ADAMTS13: variants seen among roughly 807,000 people sequenced by gnomAD.
The protein encoded by ADAMTS13 is ADAM metallopeptidase with thrombospondin type 1 motif 13.
Under a neutral mutation model 155.1 loss-of-function variants are expected in ADAMTS13, and 110 were observed. The ratio of observed to expected loss-of-function variants is 0.71; its 90% CI spans 0.61 to 0.83. The LOEUF is 0.83. ADAMTS13 is among the 40% of genes least tolerant of loss of function. ADAMTS13 has a pLI of 0.00. For synonymous variants in ADAMTS13, 758 were observed against 756.4 expected, an observed-to-expected ratio of 1.00 and a Z score of -0.03; for missense variants, 1,707 against 1,891.7, an observed-to-expected ratio of 0.90 and a Z score of 1.81.
Position 133,456,863 on chromosome 9 carries a change from GGCCAGTGTCAGTCTGCACGT to G in ADAMTS13, c.3724+150_3724+169del, listed in dbSNP as rs1233438766. ...GACTGAGATGGAAGGAACTGGGGTTGGCCAGTGTCAGTCTGCACGTGCCAGGGAGGGGTCACAGGATGAAT... is the reference window on the plus strand; with the variant it reads ...GACTGAGATGGAAGGAACTGGGGTTGGCCAGGGAGGGGTCACAGGATGAAT... On this transcript the variant is annotated intron_variant, in intron 27 of 28. Coordinates refer to ENST00000355699, the MANE Select transcript of ADAMTS13 (RefSeq NM_139027.6). This position sits in a 1 kb window ranked among gnomAD's most constrained non-coding sequence, Gnocchi z 4.4. 1 of 1,111,446 alleles carries G rather than the reference GGCCAGTGTCAGTCTGCACGT, an allele frequency of 9.0e-7. No homozygotes were observed. Among genetic ancestry groups the G allele is most frequent in the Non-Finnish European group, 1.3e-6 (1 of 758,876 alleles). 68.8% of individuals were successfully genotyped at this position (1,111,446 alleles called of 1,614,324 possible).
At chr9:133,432,441 T>C (rs1048696470) in intron 8 of ADAMTS13, 147 bp from the exon 9 acceptor site, 3 of 724,340 alleles carry the variant, frequency 4.1e-6, no homozygotes, top group Non-Finnish European at 7.2e-6. Context: ...AGTCATGCCT[T>C]GTCCTCTGAG....
At chr9:133,447,960 ACAAT>A (rs1842179743) in intron 21 of ADAMTS13, among the ~76,000 whole-genome samples, 1 of 151,470 alleles carries the variant, frequency 6.6e-6, no homozygotes, top group Non-Finnish European at 1.5e-5. Context: ...TATGATAGAC[ACAAT>A]CAGAGATTTT....
rs903709576 is a variant in ADAMTS13 at position 133,429,615 on chromosome 9, C to A, written c.825-324C>A. 5 of 508,946 alleles carry A rather than the reference C, an allele frequency of 9.8e-6. No homozygotes were observed. In the East Asian group the frequency reaches 2.0e-4, roughly 21 times the overall value. 31.5% of individuals were successfully genotyped at this position (508,946 alleles called of 1,614,324 possible). ...ATCAGTCCCACACCCCTATCTCCCC[C>A]ACCCGCGTACATGTATCCCTGCGTC... is the stretch of plus-strand genomic sequence containing the variant. On this transcript the variant is annotated intron_variant, in intron 7 of 28. Coordinates refer to ENST00000355699, the MANE Select transcript of ADAMTS13 (RefSeq NM_139027.6).
In ADAMTS13 at chr9:133,425,545, G is replaced by C; in HGVS notation, c.347G>C (p.Arg116Pro). The C allele has an allele frequency of 6.2e-7, 1 of 1,613,434 alleles. No homozygotes were observed. Among genetic ancestry groups the C allele is most frequent in the Non-Finnish European group, 8.5e-7 (1 of 1,179,952 alleles). The change falls in exon 4 of 29, where the codon CGG becomes CCG. Residue 116 changes from arginine (R) to proline (P), a missense_variant. This residue lies in a region of ADAMTS13 where 733 missense variants were observed against 749.6 expected (regional missense o/e 0.98). Coordinates refer to ENST00000355699, the MANE Select transcript of ADAMTS13 (RefSeq NM_139027.6). This position sits in a 1 kb window ranked among gnomAD's most constrained non-coding sequence, Gnocchi z 4.6. ...CTTGCACAGGGGGCAGAACTGCTTCGGGACCCGTCCCTGGGGGCTCAGTTT... is the reference window on the plus strand; with the variant it reads ...CTTGCACAGGGGGCAGAACTGCTTCCGGACCCGTCCCTGGGGGCTCAGTTT... ...TNLNIGAELL[R>P]DPSLGAQFRV...
Position 133,459,081 on chromosome 9 carries a change from G to A in ADAMTS13, c.4017G>A (p.Leu1339=), listed in dbSNP as rs1393965473. The part of the protein sequence containing the change: ...QAEMEFSEGF[L]KAQASLRGQY... ...AGATGGAGTTCAGCGAGGGCTTCCT[G>A]AAGGCTCAGGCCAGCCTGCGGGGCC... The change falls in exon 29 of 29, where the codon CTG becomes CTA. Residue 1339 remains leucine (L), a synonymous_variant. Coordinates refer to ENST00000355699, the MANE Select transcript of ADAMTS13 (RefSeq NM_139027.6). 20 of 1,612,834 alleles carry A rather than the reference G, an allele frequency of 1.2e-5. No homozygotes were observed. Among genetic ancestry groups the A allele is most frequent in the Non-Finnish European group, 1.7e-5 (20 of 1,179,932 alleles).
Position 133,438,342 on chromosome 9 carries a change from T to A in ADAMTS13, c.1681T>A (p.Ser561Thr), listed in dbSNP as rs1000073885. ...CAGCACGTGCAGCCCACGGAAGGGC[T>A]CTTTCACAGCTGGCAGAGCGAGAGG... is the stretch of plus-strand genomic sequence containing the variant. The part of the protein sequence containing the change: ...DNSTCSPRKG[S>T]FTAGRAREYV... The change falls in exon 14 of 29, where the codon TCT becomes ACT. Residue 561 changes from serine to threonine, a missense_variant. By Grantham distance (58) the Ser-to-Thr change is moderately conservative (BLOSUM62 1). This residue lies in a region of ADAMTS13 where 961 missense variants were observed against 1,107.9 expected (regional missense o/e 0.87). Coordinates refer to ENST00000355699, the MANE Select transcript of ADAMTS13 (RefSeq NM_139027.6). The A allele has an allele frequency of 6.2e-7, 1 of 1,614,022 alleles. No homozygotes were observed. The highest frequency in any genetic ancestry group is 1.1e-5 in the South Asian group (1 of 91,084).
At chr9:133,439,795 T>A (rs1841523141) in intron 15 of ADAMTS13, among the ~76,000 whole-genome samples, 2 of 152,178 alleles carry the variant, frequency 1.3e-5, no homozygotes. Context: ...GCCCACTGAG[T>A]GGGAGTTGAG....
rs1037387075 is a variant in ADAMTS13, at chr9:133,440,924, G to T, written c.1968+399G>T. Reference sequence around the variant, plus strand: ...GGAACAGTGTCAGTGTGGGAGGGATGAAGGAAGGTCCTACTGTGTGGGTTT... The same window carrying T: ...GGAACAGTGTCAGTGTGGGAGGGATTAAGGAAGGTCCTACTGTGTGGGTTT... On this transcript the variant is annotated intron_variant, in intron 16 of 28. Coordinates refer to ENST00000355699, the MANE Select transcript of ADAMTS13 (RefSeq NM_139027.6). The surrounding 1 kb of genome is among the most constrained non-coding windows in gnomAD (Gnocchi z 4.3). Among the ~76,000 whole-genome samples the T allele has an allele frequency of 3.3e-5, 5 of 152,126 alleles. No individual in the cohort carries two copies. Among genetic ancestry groups the T allele is most frequent in the Admixed American group, 3.3e-4 (5 of 15,264 alleles).
chr9:133,449,726 C>T, intron 22 of ADAMTS13, 57 bp from the exon 23 acceptor site: 1 of 1,598,720 alleles, frequency 6.3e-7, no homozygotes, highest in Non-Finnish European at 8.6e-7. Flanking sequence ...AGACCTGGCT[C>T]CCCTGGGTTC....
chr9:133,435,054 C>T (rs587675285), intron 11 of ADAMTS13, among the ~76,000 whole-genome samples: 3 of 152,306 alleles, frequency 2.0e-5, no homozygotes, highest in South Asian at 2.1e-4. Flanking sequence ...GGTGTTTTCA[C>T]CTTTTGGCTC....
intron 11 of ADAMTS13, 28 bp downstream of exon 11, chr9:133,433,732 G>A (rs1323550452): frequency 1.2e-6 from 2 of 1,609,610 alleles, no homozygotes; most frequent in Admixed American, 1.7e-5. Flanking sequence ...GGTAGGAGGG[G>A]GCAGCTGGTG....
At chr9:133,415,886 T>C (rs1416569991) in intron 1 of ADAMTS13, 3 of 152,154 alleles carry the variant, frequency 2.0e-5, no homozygotes, top group Non-Finnish European at 4.4e-5. Context: ...TGCACTGAGA[T>C]ACTGTGCAGA....
At chr9:133,426,482 C>T in intron 6 of ADAMTS13, 137 bp downstream of exon 6, 2 of 1,215,858 alleles carry the variant, frequency 1.6e-6, no homozygotes, top group Non-Finnish European at 2.3e-6. Flanking sequence ...CCGACAGACT[C>T]AGGTGTGAGG....
chr9:133,442,408 C>T lies in ADAMTS13; in HGVS notation c.1978C>T (p.Arg660Trp), dbSNP rs587693885. Reference protein sequence around the residue: ...QEDADIQVYRRYGEEYGNLTR... With the variant: ...QEDADIQVYRWYGEEYGNLTR... Reference sequence around the variant, plus strand: ...AGCTCTTTGTCTGCAGGTTTACAGGCGGTATGGCGAGGAGTATGGCAACCT... The same window carrying T: ...AGCTCTTTGTCTGCAGGTTTACAGGTGGTATGGCGAGGAGTATGGCAACCT... Residue 660 changes from arginine to tryptophan, a missense_variant, in exon 17 of 29, where the codon CGG becomes TGG. Transcript: ENST00000355699. 1.2e-5 allele frequency: 19 copies of T among 1,613,930 alleles called. No individual in the cohort carries two copies. Among genetic ancestry groups the T allele is most frequent in the East Asian group, 6.7e-5 (3 of 44,886 alleles).
At chr9:133,457,054 T>C (rs1554796327) in intron 27 of ADAMTS13, 1 of 432,044 alleles carries the variant, frequency 2.3e-6, no homozygotes, top group Non-Finnish European at 4.4e-6. Context: ...TTTAGGGTTT[T>C]GTGGAAGCCA....
At position 133,445,737 on chromosome 9, in the gene ADAMTS13, A is replaced by G. The variant is rs1842017607; in HGVS notation, c.2649A>G (p.Pro883=). 11 of 1,612,278 alleles carry G rather than the reference A, an allele frequency of 6.8e-6. No homozygotes were observed. Among genetic ancestry groups the G allele is most frequent in the Middle Eastern group, 1.7e-4 (1 of 6,048 alleles). ...CTGCAGGGGAGAAGGCTCCCTCCCCATGGGGCAGCATCAGGACGGGGGCTC... is the reference window on the plus strand; with the variant it reads ...CTGCAGGGGAGAAGGCTCCCTCCCCGTGGGGCAGCATCAGGACGGGGGCTC... ...ATSAGEKAPS[P]WGSIRTGAQA... is the part of the protein sequence containing the mutation. Residue 883 remains proline (P), a synonymous_variant, in exon 21 of 29, where the codon CCA becomes CCG. Transcript: ENST00000355699. The surrounding 1 kb of genome is among the most constrained non-coding windows in gnomAD (Gnocchi z 5.0).
upstream of ADAMTS13, among the ~76,000 whole-genome samples, chr9:133,419,418 A>G (rs1554782526): frequency 6.6e-6 from 1 of 152,196 alleles, no homozygotes; most frequent in East Asian, 1.9e-4. Context: ...TGGAGATGTA[A>G]TTTGGAAATC....
At position 133,429,732 on chromosome 9, in the gene ADAMTS13, C is replaced by G. The variant is rs1176512055; in HGVS notation, c.825-207C>G. 4 of 742,724 alleles carry G rather than the reference C, an allele frequency of 5.4e-6. No homozygotes were observed. In the African/African-American group the frequency reaches 6.9e-5, roughly 13 times the overall value. The allele number at this position is 742,724 out of a possible 1,614,324, so 46.0% of individuals were successfully genotyped here. A position where few individuals can be genotyped will look rare whatever the true frequency, so the allele number is the denominator to read the frequency against. ...CCTCCGTCGCCGCTCCCTCTGCTGGCCACCCACCTCTGCGCCGGCAGGAGC... is the reference window on the plus strand; with the variant it reads ...CCTCCGTCGCCGCTCCCTCTGCTGGGCACCCACCTCTGCGCCGGCAGGAGC... On this transcript the variant is annotated intron_variant, in intron 7 of 28. Coordinates refer to ENST00000355699, the MANE Select transcript of ADAMTS13 (RefSeq NM_139027.6).
At chr9:133,457,483 C>T (rs1000842804) in intron 27 of ADAMTS13, among the ~76,000 whole-genome samples, 2 of 152,262 alleles carry the variant, frequency 1.3e-5, no homozygotes, top group African/African-American at 2.4e-5. Flanking sequence ...TCTCGCTTCC[C>T]GGCCCAGCCC....
Sources: gnomAD v4.1 joint callset for allele counts (sites outside exome capture counted in the v4.1 genomes callset) on GRCh38, gnomAD v4.1.1 for gene constraint, gnomAD v4.1.1 regional missense constraint, Gnocchi (gnomAD v3.1) non-coding constraint, MANE v1.5 for transcripts, NCBI Gene and HGNC (gene_info 2026-07-23, HGNC 2026-07-21) for gene names.